The following CAMK2A variants were observed in gnomAD, a reference collection of about 807,000 sequenced individuals.
CAMK2A encodes the protein calcium/calmodulin-dependent protein kinase type II subunit alpha.
In CAMK2A, 7 loss-of-function variants were observed where a neutral mutation model predicts 79.2. That is an observed-to-expected ratio of 0.09 (90% CI 0.05 to 0.17). CAMK2A has a LOEUF of 0.17. Among genes scored for constraint, CAMK2A ranks in the 10% least tolerant of loss-of-function variants. CAMK2A has a pLI of 1.00. For missense variants in CAMK2A, 214 were observed against 646.4 expected (o/e 0.33, Z 7.25); for synonymous variants, 242 against 251.7 (o/e 0.96, Z 0.36).
At chr5:150,280,779 C>A (rs892474758) in intron 1 of CAMK2A, among the ~76,000 whole-genome samples, 3 of 152,120 alleles carry the variant, frequency 2.0e-5, no homozygotes, top group African/African-American at 7.2e-5. Context: ...GCTCTCCCAG[C>A]CTTCTCCATC....
At chr5:150,259,294 T>C (rs961879167) in intron 3 of CAMK2A, among the ~76,000 whole-genome samples, 43 of 150,464 alleles carry the variant, frequency 2.9e-4, no homozygotes, top group African/African-American at 1.0e-3. Flanking sequence ...CTGAGGTGGG[T>C]GGATCACTTG....
At chr5:150,246,557 T>C (rs1013756592) in intron 12 of CAMK2A, among the ~76,000 whole-genome samples, 7 of 152,154 alleles carry the variant, frequency 4.6e-5, no homozygotes, top group South Asian at 4.1e-4. Flanking sequence ...ACAAAGCATA[T>C]CAAGAGATTC....
Position 150,219,802 on chromosome 5 carries a change from C to T in CAMK2A, c.*2908G>A, listed in dbSNP as rs1272900997. 6.6e-6 allele frequency: 1 copy of T among 152,340 alleles called. No individual in the cohort carries two copies. The highest frequency in any genetic ancestry group is 1.5e-5 in the Non-Finnish European group (1 of 67,998). The allele number at this position is 152,340 out of a possible 1,614,324, so 9.4% of individuals were successfully genotyped here. On this transcript the variant is annotated 3_prime_UTR_variant, in exon 19 of 19. Coordinates refer to ENST00000671881, the MANE Select transcript of CAMK2A (RefSeq NM_015981.4). ...TGGTGGGCACAAACCCAGGAGAACA[C>T]TTTCCTGTAAACGTGTTTTCATGCT...
At position 150,256,459 on chromosome 5, in the gene CAMK2A, GC is replaced by G. The variant is rs1190450101; in HGVS notation, c.411+113del. On this transcript the variant is annotated intron_variant, in intron 6 of 18. Coordinates refer to ENST00000671881, the MANE Select transcript of CAMK2A (RefSeq NM_015981.4). This position sits in a 1 kb window ranked among gnomAD's most constrained non-coding sequence, Gnocchi z 4.6. ...ATAATCTCACCCACCCCACCTTCCAGCCTAACACAGAGAAATTAAAGCGATT... is the reference window on the plus strand; with the variant it reads ...ATAATCTCACCCACCCCACCTTCCAGCTAACACAGAGAAATTAAAGCGATT... 1.3e-5 allele frequency: 9 copies of G among 719,352 alleles called. No individual in the cohort carries two copies. Among genetic ancestry groups the G allele is most frequent in the Non-Finnish European group, 2.2e-5 (9 of 415,288 alleles). The allele number at this position is 719,352 out of a possible 1,614,324, so 44.6% of individuals were successfully genotyped here.
At chr5:150,237,878 C>T (rs964949872) in intron 15 of CAMK2A, among the ~76,000 whole-genome samples, 1 of 152,170 alleles carries the variant, frequency 6.6e-6, no homozygotes, top group Non-Finnish European at 1.5e-5. Flanking sequence ...TGCTTTGCTT[C>T]CCCCACCTGA....
At chr5:150,253,669 C>A (rs1046072532) in intron 6 of CAMK2A, 123 bp from the exon 7 acceptor site, 44 of 751,888 alleles carry the variant, frequency 5.9e-5, no homozygotes, top group Admixed American at 4.6e-4. Flanking sequence ...TCCGGGGCCC[C>A]TGCTTTCATC....
intron 2 of CAMK2A, among the ~76,000 whole-genome samples, chr5:150,267,743 G>T (rs1756573209): frequency 6.6e-6 from 1 of 152,026 alleles, no homozygotes; most frequent in Non-Finnish European, 1.5e-5. Context: ...TATATAGGTG[G>T]AGAAACTGAG....
At chr5:150,260,581 C>A (rs906288028) in intron 3 of CAMK2A, among the ~76,000 whole-genome samples, 1 of 152,196 alleles carries the variant, frequency 6.6e-6, no homozygotes, top group Non-Finnish European at 1.5e-5. Context: ...CCAAACCCCA[C>A]GTGCTGGAGT....
At position 150,263,886 on chromosome 5, in the gene CAMK2A, C is replaced by T. The variant is rs146541607; in HGVS notation, c.217+1070G>A. On this transcript the variant is annotated intron_variant, in intron 3 of 18. Coordinates refer to ENST00000671881, the MANE Select transcript of CAMK2A (RefSeq NM_015981.4). The stretch of plus-strand genomic sequence containing the variant: ...CTGCTCCCTGCCAACCCAGGGATGT[C>T]TCTCTGATGCTGGTCCCGGAGCCTC... 5.9e-3 allele frequency among the ~76,000 whole-genome samples: 906 copies of T among 152,354 alleles called. 7 individuals are homozygous for T. Among genetic ancestry groups the T allele is most frequent in the Middle Eastern group, 0.024 (7 of 294 alleles).
rs533694395 is a variant in CAMK2A at position 150,239,716 on chromosome 5, G to A, written c.1005C>T (p.Ser335=). ...GGCAGACACTCACCATTAACTGAAC[G>A]CTGGAACTGGACTTTCTTTTCTGGA... is the stretch of plus-strand genomic sequence containing the variant. ...DGVKKRKSSS[S]VQLMESSEST... is the part of the protein sequence containing the mutation. The change falls in exon 14 of 19, where the codon AGC becomes AGT. Residue 335 remains serine (S), a synonymous_variant. Transcript: ENST00000671881. The A allele has an allele frequency of 3.1e-6, 5 of 1,613,964 alleles. No individual in the cohort carries two copies. The South Asian group carries it at 3.3e-5, about 11-fold the overall frequency.
chr5:150,260,318 G>T lies in CAMK2A; in HGVS notation c.218-2701C>A, dbSNP rs551889174. On this transcript the variant is annotated intron_variant, in intron 3 of 18. Coordinates refer to ENST00000671881, the MANE Select transcript of CAMK2A (RefSeq NM_015981.4). ...AAAAATACAAAACAAAATTAGCCAG[G>T]CGTGGTGGTGGGCACCTGTAGTCCC... is the stretch of plus-strand genomic sequence containing the variant. 3.1e-3 allele frequency among the ~76,000 whole-genome samples: 470 copies of T among 152,134 alleles called. 2 individuals carry two copies. Among genetic ancestry groups the T allele is most frequent in the Non-Finnish European group, 4.9e-3 (334 of 68,010 alleles).
intron 17 of CAMK2A, among the ~76,000 whole-genome samples, chr5:150,227,432 G>T (rs751524680): frequency 6.6e-6 from 1 of 152,002 alleles, no homozygotes. Context: ...AGTGGTACAC[G>T]CCCTTGATTT....
At chr5:150,250,608 G>A (rs983450645) in intron 10 of CAMK2A, 80 bp downstream of exon 10, 10 of 1,567,130 alleles carry the variant, frequency 6.4e-6, no homozygotes, top group Non-Finnish European at 8.7e-6. Context: ...TGGGCCAGGG[G>A]AAGGGCCAGA....
At chr5:150,230,493 T>C (rs1014649499) in intron 16 of CAMK2A, among the ~76,000 whole-genome samples, 1 of 152,310 alleles carries the variant, frequency 6.6e-6, no homozygotes, top group Admixed American at 6.5e-5. Context: ...AAAATAACTC[T>C]GCCTTGGCTG....
intron 10 of CAMK2A, 150 bp downstream of exon 10, chr5:150,250,538 C>T (rs1276110396): frequency 8.7e-7 from 1 of 1,147,840 alleles, no homozygotes; most frequent in South Asian, 1.5e-5. Flanking sequence ...TCCTCGTTTC[C>T]ACATTACCCC....
chr5:150,278,912 T>C (rs999237569), intron 1 of CAMK2A, among the ~76,000 whole-genome samples: 9 of 151,868 alleles, frequency 5.9e-5, no homozygotes, highest in Admixed American at 2.0e-4. Context: ...GGTCACAGAA[T>C]GTAGGCAGGG....
intron 1 of CAMK2A, among the ~76,000 whole-genome samples, chr5:150,275,918 C>A (rs576810301): frequency 1.1e-4 from 16 of 152,080 alleles, no homozygotes; most frequent in Non-Finnish European, 1.2e-4. Flanking sequence ...CCCAGCCCCC[C>A]TCCCCTCCCT....
chr5:150,273,202 G>A lies in CAMK2A; in HGVS notation c.63-43C>T, dbSNP rs753895919. 11 of 1,451,818 alleles carry A rather than the reference G, an allele frequency of 7.6e-6. No homozygotes were observed. In the African/African-American group the frequency reaches 9.8e-5, roughly 13 times the overall value. The allele number at this position is 1,451,818 out of a possible 1,614,324, so 89.9% of individuals were successfully genotyped here. Reference sequence around the variant, plus strand: ...GTGGAGAGGGTGAGGGAATGCCTGAGGGCTGTGTCCCTAGGAGATGTTGGA... The same window carrying A: ...GTGGAGAGGGTGAGGGAATGCCTGAAGGCTGTGTCCCTAGGAGATGTTGGA... On this transcript the variant is annotated intron_variant, in intron 1 of 18. Coordinates refer to ENST00000671881, the MANE Select transcript of CAMK2A (RefSeq NM_015981.4).
At chr5:150,277,312 G>A (rs1756989784) in intron 1 of CAMK2A, among the ~76,000 whole-genome samples, 1 of 152,232 alleles carries the variant, frequency 6.6e-6, no homozygotes, top group Non-Finnish European at 1.5e-5. Context: ...TTTTAACTCT[G>A]TCTGTGGGTG....
Sources: allele counts gnomAD v4.1 joint callset (sites outside exome capture counted in the v4.1 genomes callset), GRCh38; gene constraint gnomAD v4.1.1; non-coding constraint Gnocchi (gnomAD v3.1); transcripts MANE v1.5; gene names NCBI Gene and HGNC (gene_info 2026-07-23, HGNC 2026-07-21).